Variants in MYLK3 observed in about 807,000 individuals in gnomAD.
MYLK3 encodes MLC kinase.
Under a neutral mutation model 76.3 loss-of-function variants are expected in MYLK3, and 55 were observed. That is an observed-to-expected ratio of 0.72 (90% confidence interval 0.58 to 0.90). The LOEUF (loss-of-function observed/expected upper bound fraction) is 0.90, where lower values mean the gene tolerates loss of function less well. MYLK3 is among the 40% of genes least tolerant of loss of function. The probability of loss-of-function intolerance (pLI) is 0.00; values close to 1 mark genes in which losing one functional copy is unlikely to be tolerated. For synonymous variants in MYLK3, 416 were observed against 425.4 expected, an observed-to-expected ratio of 0.98 and a Z score of 0.27; for missense variants, 973 against 1,053.6, an observed-to-expected ratio of 0.92 and a Z score of 1.06.
At chr16:46,721,069 G>T in intron 9 of MYLK3, 54 bp downstream of exon 9, 1 of 1,486,946 alleles carries the variant, frequency 6.7e-7, no homozygotes, top group Non-Finnish European at 9.4e-7. Context: ...TGCCCAGAGA[G>T]CCACAAAGAG....
chr16:46,754,716 CCAAA>C (rs1199118113), intron 1 of MYLK3, among the ~76,000 whole-genome samples: 1 of 152,116 alleles, frequency 6.6e-6, no homozygotes, highest in Non-Finnish European at 1.5e-5. Context: ...ACTACACATA[CCAAA>C]CAACTAGAAT....
At chr16:46,717,354 T>C (rs893649480) in intron 9 of MYLK3, among the ~76,000 whole-genome samples, 59 of 152,178 alleles carry the variant, frequency 3.9e-4, no homozygotes, top group Non-Finnish European at 7.8e-4. Flanking sequence ...TGAGAGTTTT[T>C]CCCCAAACAG....
chr16:46,756,532 G>C lies in MYLK3; in HGVS notation c.-114+6508C>G, dbSNP rs761971312. On this transcript the variant is annotated intron_variant, in intron 1 of 11. Transcript: ENST00000536476. ...TCCAGAACCTAAGGACAGCCTCTTA[G>C]GGGAGAAACACACAGTGCCCTTTGT... Among the ~76,000 whole-genome samples the C allele has an allele frequency of 4.5e-4, 68 of 152,224 alleles. 1 individual carries two copies. The highest frequency in any genetic ancestry group is 3.2e-3 in the Middle Eastern group (1 of 316).
At chr16:46,754,494 A>G (rs1967171832) in intron 1 of MYLK3, among the ~76,000 whole-genome samples, 1 of 152,070 alleles carries the variant, frequency 6.6e-6, no homozygotes, top group Admixed American at 6.6e-5. Flanking sequence ...TGATTTCATA[A>G]GAGGAGGAAC....
At chr16:46,707,885 C>A in intron 12 of MYLK3, 122 bp from the exon 13 acceptor site, 1 of 566,254 alleles carries the variant, frequency 1.8e-6, no homozygotes, top group Non-Finnish European at 3.0e-6. Flanking sequence ...AATCTGATAC[C>A]TAAAGGGAAA....
chr16:46,758,324 TCTCTCTC>T (rs1967231438), intron 1 of MYLK3, among the ~76,000 whole-genome samples: 2 of 150,328 alleles, frequency 1.3e-5, no homozygotes, highest in Non-Finnish European at 2.9e-5. Context: ...TCTCTCTCTC[TCTCTCTC>T]TCTCTCTCTC....
chr16:46,738,265 G>A, intron 2 of MYLK3, 122 bp from the exon 3 acceptor site: 1 of 889,578 alleles, frequency 1.1e-6, no homozygotes. Flanking sequence ...AAGACTGGAA[G>A]CAACCCAAAT....
Position 46,707,771 on chromosome 16 carries a change from C to T in MYLK3, c.2401-8G>A. 1.2e-6 allele frequency: 2 copies of T among 1,604,450 alleles called. No homozygotes were observed. The highest frequency in any genetic ancestry group is 2.2e-5 in the East Asian group (1 of 44,806). On this transcript the variant is annotated splice_region_variant and splice_polypyrimidine_tract_variant and intron_variant, in intron 12 of 12. Coordinates refer to ENST00000394809, the MANE Select transcript of MYLK3 (RefSeq NM_182493.3). The stretch of plus-strand genomic sequence containing the variant: ...CACCACATAGAAATGTTTCTTGAGG[C>T]AAGGAGAGAATAAAAGAAAAGAAAA...
intron 1 of MYLK3, among the ~76,000 whole-genome samples, chr16:46,762,077 T>G (rs1967283163): frequency 6.6e-6 from 1 of 152,154 alleles, no homozygotes. Flanking sequence ...TGAAAGTTCT[T>G]CCAAGGCCTC....
chr16:46,737,862 C>T lies in MYLK3; in HGVS notation c.850G>A (p.Ala284Thr), dbSNP rs1017485933. Residue 284 changes from alanine (A) to threonine (T), a missense_variant, in exon 3 of 13, where the codon GCA (alanine) becomes ACA (threonine). By Grantham distance (58) the Ala-to-Thr change is moderately conservative. Transcript: ENST00000394809. ...VSPSLEVAPG[A>T]GQGASSSRPD... is the part of the protein sequence containing the mutation. Reference sequence around the variant, plus strand: ...CTGCTGGACGATGCTCCTTGTCCTGCACCTGGTGCAACCTCCAGGCTCGGG... The same window carrying T: ...CTGCTGGACGATGCTCCTTGTCCTGTACCTGGTGCAACCTCCAGGCTCGGG... 6.2e-7 allele frequency: 1 copy of T among 1,614,114 alleles called. No homozygotes were observed. The highest frequency in any genetic ancestry group is 1.3e-5 in the African/African-American group (1 of 75,072).
At chr16:46,745,690 C>G (rs1967009631) in intron 1 of MYLK3, among the ~76,000 whole-genome samples, 1 of 152,092 alleles carries the variant, frequency 6.6e-6, no homozygotes, top group South Asian at 2.1e-4. Flanking sequence ...AGATTGCAGT[C>G]AGTCGAGATC....
intron 2 of MYLK3, among the ~76,000 whole-genome samples, chr16:46,738,554 C>A (rs993129238): frequency 9.9e-5 from 15 of 152,098 alleles, no homozygotes; most frequent in African/African-American, 3.6e-4. Flanking sequence ...GAGTGAGACC[C>A]CATCTCAAAA....
At chr16:46,739,320 A>G (rs1318396822) in intron 2 of MYLK3, among the ~76,000 whole-genome samples, 5 of 152,196 alleles carry the variant, frequency 3.3e-5, no homozygotes, top group Middle Eastern at 3.2e-3. Context: ...TGTTTTGTCT[A>G]TTTGACTTTG....
intron 8 of MYLK3, chr16:46,726,662 AAAAAGAAAGAAAG>A (rs1966841149): frequency 5.4e-5 from 2 of 37,014 alleles, no homozygotes; most frequent in Non-Finnish European, 1.4e-4. Context: ...AAGAAGAAAG[AAAAAGAAAGAAAG>A]AGAAAGAAAG....
intron 1 of MYLK3, among the ~76,000 whole-genome samples, chr16:46,761,059 G>A (rs1408221311): frequency 1.3e-5 from 2 of 152,170 alleles, no homozygotes; most frequent in Non-Finnish European, 1.5e-5. Context: ...CAGCATGTAA[G>A]AGGGAGGCAA....
chr16:46,750,284 G>A (rs1967105608), upstream of MYLK3, among the ~76,000 whole-genome samples: 1 of 152,174 alleles, frequency 6.6e-6, no homozygotes, highest in South Asian at 2.1e-4. Context: ...AATTTTTGTG[G>A]AATAAAATTC....
intron 2 of MYLK3, among the ~76,000 whole-genome samples, chr16:46,738,867 T>A (rs545401821): frequency 7.9e-5 from 12 of 152,174 alleles, no homozygotes; most frequent in South Asian, 2.1e-4. Flanking sequence ...TGAGACAGAG[T>A]CTTGCTCTTG....
chr16:46,730,786 T>G (rs1966851140), intron 4 of MYLK3, 88 bp from the exon 5 acceptor site: 5 of 1,139,404 alleles, frequency 4.4e-6, no homozygotes, highest in African/African-American at 1.5e-5. Context: ...TAGCTTCTCT[T>G]GGTCCACCAG....
chr16:46,747,173 G>A (rs1010989955), intron 1 of MYLK3, among the ~76,000 whole-genome samples: 2 of 152,146 alleles, frequency 1.3e-5, no homozygotes, highest in African/African-American at 2.4e-5. Context: ...CCGCTCCCAG[G>A]AATGCCACCC....
Sources: allele counts gnomAD v4.1 joint callset (sites outside exome capture counted in the v4.1 genomes callset), GRCh38; gene constraint gnomAD v4.1.1; transcripts MANE v1.5; gene names NCBI Gene and HGNC (gene_info 2026-07-23, HGNC 2026-07-21).